The following GPATCH8 variants were observed in gnomAD, a reference collection of about 807,000 sequenced individuals.
The protein encoded by GPATCH8 is G-patch domain containing 8, also known as G patch domain-containing protein 8.
In GPATCH8, 18 loss-of-function variants were observed where a neutral mutation model predicts 118.3. The observed-to-expected ratio is 0.15, with a 90% CI of 0.11 to 0.23. The LOEUF is 0.23. Among genes scored for constraint, GPATCH8 ranks in the 10% least tolerant of loss-of-function variants. The pLI, the probability that GPATCH8 is intolerant of heterozygous loss-of-function variation, is 1.00. For synonymous variants in GPATCH8, 659 were observed against 684.7 expected (o/e 0.96, Z 0.59); for missense variants, 1,631 against 1,873.8 (o/e 0.87, Z 2.39).
chr17:44,499,296 G>A (rs1289469516), intron 1 of GPATCH8, among the ~76,000 whole-genome samples: 1 of 152,042 alleles, frequency 6.6e-6, no homozygotes, highest in Non-Finnish European at 1.5e-5. Flanking sequence ...GTGAAACCCC[G>A]TCTCTACTAA....
intron 3 of GPATCH8, among the ~76,000 whole-genome samples, chr17:44,462,591 T>C (rs2051597058): frequency 6.6e-6 from 1 of 152,220 alleles, no homozygotes. Context: ...TGCTTAGTAA[T>C]GAATATTTCA....
chr17:44,438,166 G>C (rs2050577541), intron 3 of GPATCH8, among the ~76,000 whole-genome samples: 1 of 152,108 alleles, frequency 6.6e-6, no homozygotes, highest in Non-Finnish European at 1.5e-5. Flanking sequence ...TCTCAGTCAG[G>C]GATTTACTGG....
chr17:44,413,762 G>A lies in GPATCH8; in HGVS notation c.493-7711C>T, dbSNP rs139815615. 2.0e-3 allele frequency among the ~76,000 whole-genome samples: 311 copies of A among 152,240 alleles called. 1 individual carries two copies. Among genetic ancestry groups the A allele is most frequent in the African/African-American group, 7.1e-3 (296 of 41,538 alleles). ...AGCCTCCCAGGTAGCTGGAATTACA[G>A]GCACGTGCCACCATACCTGGCTAAT... On this transcript the variant is annotated intron_variant, in intron 6 of 7. Transcript: ENST00000591680.
chr17:44,457,857 A>AG (rs1314681349), intron 3 of GPATCH8, among the ~76,000 whole-genome samples: 1 of 152,086 alleles, frequency 6.6e-6, no homozygotes, highest in African/African-American at 2.4e-5. Flanking sequence ...CGAGGTGGGC[A>AG]GATCACGAGG....
At chr17:44,407,658 T>TA (rs2049281670) in intron 6 of GPATCH8, among the ~76,000 whole-genome samples, 1 of 35,640 alleles carries the variant, frequency 2.8e-5, no homozygotes, top group Admixed American at 4.2e-4. Flanking sequence ...ATAATTAAGA[T>TA]TTTTTTTTTT....
chr17:44,412,305 G>T (rs1280099072), intron 6 of GPATCH8, among the ~76,000 whole-genome samples: 2 of 152,178 alleles, frequency 1.3e-5, no homozygotes, highest in East Asian at 3.9e-4. Flanking sequence ...CAGGAGGATT[G>T]CTTGAGTTCA....
At chr17:44,459,258 T>G (rs2144256152) in intron 3 of GPATCH8, among the ~76,000 whole-genome samples, 1 of 152,332 alleles carries the variant, frequency 6.6e-6, no homozygotes, top group East Asian at 1.9e-4. Context: ...TTACTGTTGT[T>G]AATCTTGGAA....
chr17:44,502,941 G>C (rs946563085), intron 1 of GPATCH8, among the ~76,000 whole-genome samples: 4 of 152,230 alleles, frequency 2.6e-5, no homozygotes, highest in African/African-American at 9.6e-5. Context: ...CTTGGCCTCA[G>C]CAATACTCTC....
At chr17:44,431,722 G>A (rs1346312817) in intron 5 of GPATCH8, among the ~76,000 whole-genome samples, 1 of 151,932 alleles carries the variant, frequency 6.6e-6, no homozygotes, top group African/African-American at 2.4e-5. Flanking sequence ...TTTGAAGTCA[G>A]GAGTTTGAGA....
At chr17:44,474,585 G>T (rs1365174860) in intron 2 of GPATCH8, 1 of 588,908 alleles carries the variant, frequency 1.7e-6, no homozygotes, top group Admixed American at 2.5e-5. Context: ...TATCGGTATG[G>T]GCCAAAAAGA....
At chr17:44,411,120 T>C (rs1257004844) in intron 6 of GPATCH8, among the ~76,000 whole-genome samples, 1 of 152,106 alleles carries the variant, frequency 6.6e-6, no homozygotes, top group Non-Finnish European at 1.5e-5. Flanking sequence ...AAGTGTAGAC[T>C]TCAAGAGCAG....
chr17:44,418,733 G>A (rs1161934350), intron 6 of GPATCH8, among the ~76,000 whole-genome samples: 1 of 152,192 alleles, frequency 6.6e-6, no homozygotes, highest in African/African-American at 2.4e-5. Flanking sequence ...TTACAGGCGT[G>A]AGCCACCGCG....
chr17:44,431,375 A>T (rs945149791), intron 5 of GPATCH8, among the ~76,000 whole-genome samples: 2 of 149,484 alleles, frequency 1.3e-5, no homozygotes, highest in African/African-American at 4.9e-5. Context: ...CTGTCTCAAA[A>T]AGGAAAAAAA....
intron 7 of GPATCH8, among the ~76,000 whole-genome samples, chr17:44,405,551 C>G (rs1349107669): frequency 2.7e-5 from 4 of 149,284 alleles, no homozygotes; most frequent in Admixed American, 6.8e-5. Context: ...GTCGCCCAGG[C>G]TGGAGTACAG....
chr17:44,412,970 G>C (rs2049503677), intron 6 of GPATCH8, among the ~76,000 whole-genome samples: 1 of 152,114 alleles, frequency 6.6e-6, no homozygotes, highest in Admixed American at 6.6e-5. Flanking sequence ...TGATGTTCAT[G>C]GATGAGATCA....
chr17:44,408,346 C>T (rs746882651), intron 6 of GPATCH8, among the ~76,000 whole-genome samples: 2 of 152,070 alleles, frequency 1.3e-5, no homozygotes, highest in African/African-American at 2.4e-5. Flanking sequence ...TCACCACACC[C>T]GGCTGATTTT....
intron 5 of GPATCH8, among the ~76,000 whole-genome samples, chr17:44,425,967 G>C (rs1323546693): frequency 6.6e-6 from 1 of 152,040 alleles, no homozygotes; most frequent in Non-Finnish European, 1.5e-5. Context: ...CAGAAGAACT[G>C]GGCAACAGAT....
At chr17:44,428,336 T>C (rs1365889595) in intron 5 of GPATCH8, among the ~76,000 whole-genome samples, 2 of 151,116 alleles carry the variant, frequency 1.3e-5, no homozygotes, top group Non-Finnish European at 1.5e-5. Context: ...CTACTAAAAA[T>C]ACAAAAATCA....
chr17:44,442,782 G>C (rs2050747068), intron 3 of GPATCH8, among the ~76,000 whole-genome samples: 1 of 151,788 alleles, frequency 6.6e-6, no homozygotes, highest in African/African-American at 2.4e-5. Flanking sequence ...ACTTTCAAAA[G>C]ACAATTAAAA....
Sources: allele counts gnomAD v4.1 joint callset (sites outside exome capture counted in the v4.1 genomes callset), GRCh38; gene constraint gnomAD v4.1.1; transcripts MANE v1.5; gene names NCBI Gene and HGNC (gene_info 2026-07-23, HGNC 2026-07-21).